XYLT1: variants seen among roughly 807,000 people sequenced by gnomAD.
XYLT1 encodes xylosyltransferase 1, also known as beta-D-xylosyltransferase 1.
In XYLT1, 36 loss-of-function variants were observed where a neutral mutation model predicts 91.3. The observed-to-expected ratio is 0.39, with a 90% CI of 0.30 to 0.52. XYLT1 has a LOEUF of 0.52. Among genes scored for constraint, XYLT1 ranks in the 20% least tolerant of loss-of-function variants. XYLT1 has a pLI of 0.68. For synonymous variants in XYLT1, 588 were observed against 532.0 expected (o/e 1.11, Z -1.45); for missense variants, 1,242 against 1,284.5 (o/e 0.97, Z 0.51).
Position 17,256,767 on chromosome 16 carries a change from G to A in XYLT1, c.913+2221C>T, listed in dbSNP as rs562946443. Among the ~76,000 whole-genome samples the A allele has an allele frequency of 3.3e-5, 5 of 152,352 alleles. No homozygotes were observed. The South Asian group carries it at 1.0e-3, about 32-fold the overall frequency. On this transcript the variant is annotated intron_variant, in intron 3 of 11. Transcript: ENST00000261381. ...TTCCTTTCTTCATCAAGAGAGTTGG[G>A]TGAATTGACCATTTGCCTTCTCAGG...
intron 2 of XYLT1, among the ~76,000 whole-genome samples, chr16:17,302,413 C>T (rs144937138): frequency 1.3e-3 from 192 of 152,256 alleles, no homozygotes; most frequent in African/African-American, 4.4e-3. Context: ...CCTGCTGGTC[C>T]TTCCTCTTCC....
intron 5 of XYLT1, among the ~76,000 whole-genome samples, chr16:17,180,334 C>T (rs1259189862): frequency 2.0e-5 from 3 of 152,166 alleles, no homozygotes; most frequent in Non-Finnish European, 4.4e-5. Context: ...TTTAAAGTAA[C>T]TTGTTGGAAA....
At position 17,138,372 on chromosome 16, in the gene XYLT1, C is replaced by T. The variant is rs770094750; in HGVS notation, c.1747G>A (p.Asp583Asn). Residue 583 changes from aspartate to asparagine, a missense_variant, in exon 8 of 12, where the codon GAC (aspartate) becomes AAC (asparagine). This residue lies in a region of XYLT1 where 294 missense variants were observed against 376.0 expected (regional missense o/e 0.78). Transcript: ENST00000261381. ...AGTCTCACCTGGAAGCGGTGGAAGT[C>T]CTGCGGCTTGAAGTCATTGGGGGAG... The part of the protein sequence containing the change: ...GCSPNDFKPQ[D>N]FHRFQQTARP... 6 of 1,613,016 alleles carry T rather than the reference C, an allele frequency of 3.7e-6. No homozygotes were observed. Among genetic ancestry groups the T allele is most frequent in the Admixed American group, 1.7e-5 (1 of 59,988 alleles).
At chr16:17,158,747 T>A (rs1439319748) in intron 6 of XYLT1, 82 bp downstream of exon 6, 56 of 1,501,062 alleles carry the variant, frequency 3.7e-5, no homozygotes, top group Non-Finnish European at 4.6e-5. Flanking sequence ...TGTGGCTGCA[T>A]GAAACCAGCC....
chr16:17,163,769 T>C (rs1432801434), intron 5 of XYLT1, among the ~76,000 whole-genome samples: 1 of 151,880 alleles, frequency 6.6e-6, no homozygotes, highest in African/African-American at 2.4e-5. Context: ...CATGAAAGAC[T>C]ATGGGGAGGC....
intron 7 of XYLT1, among the ~76,000 whole-genome samples, chr16:17,139,645 G>C (rs748150039): frequency 5.9e-5 from 9 of 152,188 alleles, no homozygotes; most frequent in Non-Finnish European, 1.2e-4. Context: ...TACAAGCCCA[G>C]GGAGGCATAC....
intron 2 of XYLT1, among the ~76,000 whole-genome samples, chr16:17,278,166 G>A (rs1011650141): frequency 4.6e-5 from 7 of 152,130 alleles, no homozygotes; most frequent in Admixed American, 3.3e-4. Context: ...CCAGCCAGCC[G>A]TGCCCAGACT....
At position 17,117,938 on chromosome 16, in the gene XYLT1, G is replaced by A; in HGVS notation, c.2265C>T (p.Asn755=). The change falls in exon 11 of 12, where the codon AAC becomes AAT. Residue 755 remains asparagine, a synonymous_variant. Transcript: ENST00000261381. ...DWDAKERLFR[N]FGGLLGPMDE... is the part of the protein sequence containing the mutation. ...CCATGGGCCCCAGAAGACCCCCAAA[G>A]TTGCGGAATAGCCTCTCCTTGGCAT... 6.2e-7 allele frequency: 1 copy of A among 1,613,788 alleles called. No individual in the cohort carries two copies. Among genetic ancestry groups the A allele is most frequent in the Non-Finnish European group, 8.5e-7 (1 of 1,179,728 alleles).
chr16:17,423,449 G>A (rs907073687), intron 1 of XYLT1, among the ~76,000 whole-genome samples: 1 of 152,018 alleles, frequency 6.6e-6, no homozygotes, highest in Non-Finnish European at 1.5e-5. Context: ...CTTCCTTGAG[G>A]GCTGAATACC....
intron 2 of XYLT1, among the ~76,000 whole-genome samples, chr16:17,326,081 A>C (rs139219476): frequency 1.1e-3 from 170 of 152,282 alleles, no homozygotes; most frequent in African/African-American, 4.0e-3. Context: ...ACATGCACAG[A>C]CTCGTGACAC....
intron 1 of XYLT1, among the ~76,000 whole-genome samples, chr16:17,399,518 C>T (rs573692739): frequency 2.0e-5 from 3 of 152,206 alleles, no homozygotes; most frequent in Admixed American, 1.3e-4. Flanking sequence ...TTCATTCTCC[C>T]GCTCCATGAT....
intron 3 of XYLT1, among the ~76,000 whole-genome samples, chr16:17,233,193 A>T (rs973925643): frequency 6.6e-6 from 1 of 152,230 alleles, no homozygotes; most frequent in Non-Finnish European, 1.5e-5. Context: ...CAACTCGATG[A>T]GAATTTTGCA....
intron 9 of XYLT1, among the ~76,000 whole-genome samples, chr16:17,133,434 A>C (rs563887167): frequency 6.6e-6 from 1 of 152,024 alleles, no homozygotes; most frequent in East Asian, 1.9e-4. Context: ...AAAGATATTC[A>C]TCAGAACATT....
intron 8 of XYLT1, among the ~76,000 whole-genome samples, chr16:17,136,983 G>A (rs1242253561): frequency 6.6e-6 from 1 of 152,024 alleles, no homozygotes; most frequent in African/African-American, 2.4e-5. Flanking sequence ...CTCCAAACAT[G>A]GGAATTCATT....
At chr16:17,350,915 G>A (rs1428097051) in intron 2 of XYLT1, among the ~76,000 whole-genome samples, 1 of 152,142 alleles carries the variant, frequency 6.6e-6, no homozygotes, top group East Asian at 1.9e-4. Flanking sequence ...CCTGAAAGAA[G>A]AACCAGGCCT....
intron 2 of XYLT1, among the ~76,000 whole-genome samples, chr16:17,310,712 G>A (rs922656834): frequency 6.6e-5 from 10 of 152,168 alleles, no homozygotes; most frequent in African/African-American, 1.9e-4. Flanking sequence ...AGCCAGGCGT[G>A]GTGGCACACA....
At chr16:17,328,548 C>CAAAAAAAAAAAAAAAAAAAA (rs71373105) in intron 2 of XYLT1, among the ~76,000 whole-genome samples, 1 of 51,256 alleles carries the variant, frequency 2.0e-5, no homozygotes, top group African/African-American at 4.5e-5. Context: ...GACTCCTTCT[C>CAAAAAAAAAAAAAAAAAAAA]AAAAAAAAAA....
chr16:17,164,198 C>T (rs539097644), intron 5 of XYLT1, among the ~76,000 whole-genome samples: 2 of 152,040 alleles, frequency 1.3e-5, no homozygotes, highest in African/African-American at 4.8e-5. Flanking sequence ...TTCTAGTGTA[C>T]CCATAATCTT....
chr16:17,462,408 C>T (rs1353796211), intron 1 of XYLT1, among the ~76,000 whole-genome samples: 2 of 152,192 alleles, frequency 1.3e-5, no homozygotes, highest in East Asian at 3.8e-4. Context: ...GACACCCCAC[C>T]CCACACCCAT....
Sources: gnomAD v4.1 joint callset for allele counts (sites outside exome capture counted in the v4.1 genomes callset) on GRCh38, gnomAD v4.1.1 for gene constraint, gnomAD v4.1.1 regional missense constraint, MANE v1.5 for transcripts, NCBI Gene and HGNC (gene_info 2026-07-23, HGNC 2026-07-21) for gene names.